Variants in NAALADL2 observed in about 807,000 individuals in gnomAD.
NAALADL2 encodes the protein N-acetylated alpha-linked acidic dipeptidase like 2.
In NAALADL2, 76 loss-of-function variants were observed where a neutral mutation model predicts 87.2. The observed-to-expected ratio is 0.87, with a 90% CI of 0.72 to 1.05. The LOEUF is 1.05. Among genes scored for constraint, NAALADL2 ranks in the 50% least tolerant of loss-of-function variants. The probability of loss-of-function intolerance (pLI) is 0.00; values close to 1 mark genes in which losing one functional copy is unlikely to be tolerated. For missense variants in NAALADL2, 1,089 were observed against 945.8 expected (o/e 1.15, Z -1.99); for synonymous variants, 354 against 331.0 (o/e 1.07, Z -0.75).
intron 2 of NAALADL2, among the ~76,000 whole-genome samples, chr3:175,134,607 A>C (rs2108669089): frequency 6.6e-6 from 1 of 152,348 alleles, no homozygotes; most frequent in South Asian, 2.1e-4. Flanking sequence ...TGAGTAAAAA[A>C]TACAGCAGAG....
At chr3:174,583,573 G>A (rs1277680955) in intron 2 of NAALADL2, among the ~76,000 whole-genome samples, 10 of 152,096 alleles carry the variant, frequency 6.6e-5, no homozygotes, top group Admixed American at 6.5e-4. Flanking sequence ...GTACTCCTTA[G>A]GGTCAATTCT....
At chr3:174,891,601 A>G (rs997405800) in intron 1 of NAALADL2, among the ~76,000 whole-genome samples, 5 of 152,076 alleles carry the variant, frequency 3.3e-5, no homozygotes, top group African/African-American at 1.2e-4. Flanking sequence ...AGGGAACATT[A>G]AAACCGGGCC....
At chr3:174,998,254 G>A (rs1227895899) in intron 1 of NAALADL2, among the ~76,000 whole-genome samples, 1 of 152,134 alleles carries the variant, frequency 6.6e-6, no homozygotes, top group Non-Finnish European at 1.5e-5. Context: ...TTACCATTAG[G>A]GAAACTGAGG....
rs572392199 is a variant in NAALADL2 at position 175,297,532 on chromosome 3, A to G, written c.940-26643A>G. ...TTATGTGACAAAATTGCCTTTCCCTATTTGTGTAAGTTGGTTAGTATGTCT... is the reference window on the plus strand; with the variant it reads ...TTATGTGACAAAATTGCCTTTCCCTGTTTGTGTAAGTTGGTTAGTATGTCT... On this transcript the variant is annotated intron_variant, in intron 4 of 13. Transcript: ENST00000454872. Among the ~76,000 whole-genome samples, 6 of 152,262 alleles carry G rather than the reference A, an allele frequency of 3.9e-5. No individual in the cohort carries two copies. The South Asian group carries it at 1.2e-3, about 32-fold the overall frequency.
chr3:175,545,468 T>C (rs1474466329), intron 9 of NAALADL2, among the ~76,000 whole-genome samples: 2 of 152,078 alleles, frequency 1.3e-5, no homozygotes, highest in South Asian at 2.1e-4. Context: ...TTTTGTATTG[T>C]ATTTTTTTTT....
intron 5 of NAALADL2, among the ~76,000 whole-genome samples, chr3:175,443,870 A>G (rs937955643): frequency 1.3e-5 from 2 of 152,118 alleles, no homozygotes; most frequent in Admixed American, 1.3e-4. Context: ...AAAGGTGCAG[A>G]TATAGCACAC....
chr3:175,104,975 C>T (rs1222051972), intron 2 of NAALADL2, among the ~76,000 whole-genome samples: 1 of 152,094 alleles, frequency 6.6e-6, no homozygotes, highest in African/African-American at 2.4e-5. Context: ...CTCACAGATC[C>T]AAGCTTATGC....
At chr3:175,734,474 G>A (rs977992539) in intron 11 of NAALADL2, among the ~76,000 whole-genome samples, 1 of 152,034 alleles carries the variant, frequency 6.6e-6, no homozygotes, top group Non-Finnish European at 1.5e-5. Flanking sequence ...GGAGAATGGT[G>A]TGAACTCGGG....
Position 175,233,949 on chromosome 3 carries a change from T to C in NAALADL2, c.564T>C (p.Tyr188=). The C allele has an allele frequency of 6.3e-7, 1 of 1,587,110 alleles. No homozygotes were observed. Residue 188 remains tyrosine, a synonymous_variant, in exon 3 of 14, where the codon TAT becomes TAC. Coordinates refer to ENST00000454872, the MANE Select transcript of NAALADL2 (RefSeq NM_207015.3). The part of the protein sequence containing the change: ...KKSFRNLVQL[Y]KNEDDMEISK... The stretch of plus-strand genomic sequence containing the variant: ...ATTTCAGAAATTTGGTACAACTATA[T>C]AAAAATGAAGATGACATGGAAATTT...
intron 13 of NAALADL2, among the ~76,000 whole-genome samples, chr3:175,801,861 T>C (rs1754193680): frequency 6.6e-6 from 1 of 152,100 alleles, no homozygotes; most frequent in Non-Finnish European, 1.5e-5. Context: ...TTTTAGACTT[T>C]CCCAAATCAA....
chr3:174,942,184 ATATT>A (rs1560393200), intron 1 of NAALADL2, among the ~76,000 whole-genome samples: 2 of 151,928 alleles, frequency 1.3e-5, no homozygotes, highest in African/African-American at 4.8e-5. Flanking sequence ...CTTCCTTTCT[ATATT>A]TACTGCTTTT....
chr3:174,548,556 CAGAAAAAAAAATCT>C (rs1711699258), intron 1 of NAALADL2, among the ~76,000 whole-genome samples: 4 of 151,146 alleles, frequency 2.6e-5, no homozygotes, highest in Non-Finnish European at 5.9e-5. Flanking sequence ...GACAGAAAAA[CAGAAAAAAAAATCT>C]CATCAGTTTG....
At chr3:174,925,214 T>G (rs1420735013) in intron 1 of NAALADL2, among the ~76,000 whole-genome samples, 4 of 152,238 alleles carry the variant, frequency 2.6e-5, no homozygotes, top group African/African-American at 7.2e-5. Context: ...GTCTAACATT[T>G]AAATCTTTAA....
chr3:175,786,757 T>G (rs1752026679), intron 13 of NAALADL2, among the ~76,000 whole-genome samples: 1 of 151,424 alleles, frequency 6.6e-6, no homozygotes, highest in Non-Finnish European at 1.5e-5. Context: ...CTGCGTTCCT[T>G]TGGAGGAGGA....
intron 9 of NAALADL2, among the ~76,000 whole-genome samples, chr3:175,491,375 CTGTG>C (rs1186352494): frequency 6.6e-6 from 1 of 151,602 alleles, no homozygotes. Flanking sequence ...ACTTTTCAAT[CTGTG>C]TATTTGTCTT....
intron 3 of NAALADL2, among the ~76,000 whole-genome samples, chr3:174,832,130 T>C (rs1722785607): frequency 6.6e-6 from 1 of 152,172 alleles, no homozygotes; most frequent in Non-Finnish European, 1.5e-5. Flanking sequence ...CTGATTTTAG[T>C]TATTTCTTGC....
intron 2 of NAALADL2, among the ~76,000 whole-genome samples, chr3:175,160,360 CTTTTTTTTTTT>C (rs71164618): frequency 2.8e-4 from 16 of 57,044 alleles, no homozygotes; most frequent in Non-Finnish European, 3.0e-4. Context: ...TCTTTTCTTT[CTTTTTTTTTTT>C]TTTTTTTTTT....
chr3:174,981,520 G>A (rs1382528130), intron 1 of NAALADL2, among the ~76,000 whole-genome samples: 1 of 152,120 alleles, frequency 6.6e-6, no homozygotes, highest in Non-Finnish European at 1.5e-5. Context: ...GTGGTACTTG[G>A]TTCTGAAAGA....
chr3:175,131,468 G>C (rs1322763318), intron 2 of NAALADL2, among the ~76,000 whole-genome samples: 2 of 152,006 alleles, frequency 1.3e-5, no homozygotes, highest in Non-Finnish European at 2.9e-5. Context: ...CGGGGTTGGG[G>C]GTAAGGTCAC....
Sources: gnomAD v4.1 joint callset for allele counts (sites outside exome capture counted in the v4.1 genomes callset) on GRCh38, gnomAD v4.1.1 for gene constraint, MANE v1.5 for transcripts, NCBI Gene and HGNC (gene_info 2026-07-23, HGNC 2026-07-21) for gene names.